TMEM196: variants seen among roughly 807,000 people sequenced by gnomAD.
TMEM196 encodes the protein transmembrane protein 196.
Under a neutral mutation model 20.0 loss-of-function variants are expected in TMEM196, and 17 were observed. The ratio of observed to expected loss-of-function variants is 0.85; its 90% CI spans 0.58 to 1.27. The LOEUF is 1.27. Among genes scored for constraint, TMEM196 ranks in the 50% most tolerant of loss-of-function variants. The pLI, the probability that TMEM196 is intolerant of heterozygous loss-of-function variation, is 0.00. For missense variants in TMEM196, 267 were observed against 223.0 expected, an observed-to-expected ratio of 1.20 and a Z score of -1.26; for synonymous variants, 113 against 88.9, an observed-to-expected ratio of 1.27 and a Z score of -1.52.
At chr7:19,752,533 T>C (rs1055199741) in intron 1 of TMEM196, among the ~76,000 whole-genome samples, 1 of 152,176 alleles carries the variant, frequency 6.6e-6, no homozygotes, top group Non-Finnish European at 1.5e-5. Flanking sequence ...TCTAAGTTCA[T>C]TCCTAGTATG....
chr7:19,726,519 A>T (rs1489074255), intron 2 of TMEM196, among the ~76,000 whole-genome samples: 1 of 152,150 alleles, frequency 6.6e-6, no homozygotes, highest in Non-Finnish European at 1.5e-5. Context: ...ATCATTGAAG[A>T]ATATACAATA....
chr7:19,771,747 T>C (rs968929709), intron 1 of TMEM196, among the ~76,000 whole-genome samples: 2 of 152,212 alleles, frequency 1.3e-5, no homozygotes, highest in Non-Finnish European at 2.9e-5. Context: ...TCTAAGGCTT[T>C]CTTGGAGATT....
At chr7:19,739,309 C>T (rs935537043) in intron 1 of TMEM196, among the ~76,000 whole-genome samples, 5 of 151,686 alleles carry the variant, frequency 3.3e-5, no homozygotes, top group African/African-American at 1.2e-4. Flanking sequence ...TCATATATGC[C>T]AGTGATAAAA....
intron 1 of TMEM196, among the ~76,000 whole-genome samples, chr7:19,731,462 A>T (rs1452406342): frequency 6.6e-6 from 1 of 152,194 alleles, no homozygotes; most frequent in Non-Finnish European, 1.5e-5. Context: ...GTTTGGACCA[A>T]TTCTGTACCT....
intron 1 of TMEM196, among the ~76,000 whole-genome samples, chr7:19,736,396 T>A (rs941186817): frequency 1.0e-5 from 1 of 98,838 alleles, no homozygotes. Context: ...TATATATATA[T>A]ATATAAATTA....
At chr7:19,739,200 G>C (rs1246501500) in intron 1 of TMEM196, among the ~76,000 whole-genome samples, 1 of 152,092 alleles carries the variant, frequency 6.6e-6, no homozygotes, top group Non-Finnish European at 1.5e-5. Flanking sequence ...ATTATTTGCA[G>C]ACAATATAAT....
At chr7:19,757,192 G>A (rs972427481) in intron 1 of TMEM196, among the ~76,000 whole-genome samples, 1 of 58,042 alleles carries the variant, frequency 1.7e-5, no homozygotes, top group East Asian at 7.1e-4. Context: ...TTTTTTTTTT[G>A]AGATGAAGTC....
At chr7:19,749,118 C>G (rs140197349) in intron 1 of TMEM196, among the ~76,000 whole-genome samples, 1 of 152,146 alleles carries the variant, frequency 6.6e-6, no homozygotes, top group South Asian at 2.1e-4. Flanking sequence ...TGATAGGATA[C>G]TAAGTATAAT....
At chr7:19,724,467 A>C in intron 3 of TMEM196, 114 bp from the exon 4 acceptor site, 1 of 879,842 alleles carries the variant, frequency 1.1e-6, no homozygotes, top group Non-Finnish European at 1.7e-6. Context: ...ATACATATAA[A>C]ATGGTCATCT....
At position 19,721,415 on chromosome 7, in the gene TMEM196, T is replaced by C. The variant is rs1239565282; in HGVS notation, c.*713A>G. ...AACATGCAGATCAATCTGCACAGTATGATCAAAACATGTTTATTTTCTTAA... is the reference window on the plus strand; with the variant it reads ...AACATGCAGATCAATCTGCACAGTACGATCAAAACATGTTTATTTTCTTAA... On this transcript the variant is annotated 3_prime_UTR_variant, in exon 5 of 5. Coordinates refer to ENST00000405844, the MANE Select transcript of TMEM196 (RefSeq NM_001363562.2). 6.6e-6 allele frequency: 1 copy of C among 152,166 alleles called. No homozygotes were observed. The highest frequency in any genetic ancestry group is 1.5e-5 in the Non-Finnish European group (1 of 68,010). The allele number at this position is 152,166 out of a possible 1,614,324, so 9.4% of individuals were successfully genotyped here. A position where few individuals can be genotyped will look rare whatever the true frequency, so the allele number is the denominator to read the frequency against.
chr7:19,767,440 C>T (rs1323880313), intron 1 of TMEM196, among the ~76,000 whole-genome samples: 2 of 152,132 alleles, frequency 1.3e-5, no homozygotes, highest in East Asian at 3.9e-4. Flanking sequence ...TTTACCTGGG[C>T]TCTACAGAAT....
intron 1 of TMEM196, among the ~76,000 whole-genome samples, chr7:19,755,759 G>A (rs952646492): frequency 1.3e-5 from 2 of 152,136 alleles, no homozygotes; most frequent in African/African-American, 2.4e-5. Context: ...GCCAGGCGTG[G>A]TGGCTTATGC....
intron 1 of TMEM196, among the ~76,000 whole-genome samples, chr7:19,751,666 C>A (rs145100980): frequency 6.6e-5 from 10 of 152,232 alleles, no homozygotes; most frequent in African/African-American, 2.4e-4. Context: ...ATAAATGGAG[C>A]TGTTAATAAT....
intron 1 of TMEM196, among the ~76,000 whole-genome samples, chr7:19,764,101 A>G (rs981586324): frequency 3.9e-5 from 6 of 152,232 alleles, no homozygotes; most frequent in African/African-American, 7.2e-5. Flanking sequence ...TTAAAAATCT[A>G]CCATCAACAG....
In TMEM196 at chr7:19,729,594, G is replaced by C. The variant is rs569685884; in HGVS notation, c.148-156C>G. Among the ~76,000 whole-genome samples, 25 of 152,276 alleles carry C rather than the reference G, an allele frequency of 1.6e-4. No individual in the cohort carries two copies. In the South Asian group the frequency reaches 2.1e-3, roughly 13 times the overall value. On this transcript the variant is annotated intron_variant, in intron 1 of 4. Coordinates refer to ENST00000405844, the MANE Select transcript of TMEM196 (RefSeq NM_001363562.2). ...GAGGATAAGATCTCATTCTAGAATA[G>C]TAAAGGATAAAAGTATAAACCCTAA...
chr7:19,725,399 A>C, intron 3 of TMEM196, 115 bp downstream of exon 3: 1 of 1,360,408 alleles, frequency 7.4e-7, no homozygotes. Flanking sequence ...AATAGAGCCA[A>C]ATGTATAAAA....
intron 1 of TMEM196, among the ~76,000 whole-genome samples, chr7:19,732,763 A>C (rs373361948): frequency 3.3e-5 from 5 of 152,210 alleles, no homozygotes; most frequent in African/African-American, 1.2e-4. Context: ...CAAAATAATA[A>C]GAACATCAGT....
At chr7:19,724,374 A>G in intron 3 of TMEM196, 21 bp from the exon 4 acceptor site, 3 of 1,545,892 alleles carry the variant, frequency 1.9e-6, no homozygotes, top group Non-Finnish European at 2.6e-6. Flanking sequence ...TATAACAATC[A>G]TACAATAAAT....
intron 1 of TMEM196, among the ~76,000 whole-genome samples, chr7:19,748,319 T>TGA (rs1232824936): frequency 1.0e-5 from 1 of 97,714 alleles, no homozygotes; most frequent in Admixed American, 1.1e-4. Flanking sequence ...TTAGAAAGAA[T>TGA]GAGAGCTTAT....
Sources: gnomAD v4.1 joint callset for allele counts (sites outside exome capture counted in the v4.1 genomes callset) on GRCh38, gnomAD v4.1.1 for gene constraint, MANE v1.5 for transcripts, NCBI Gene and HGNC (gene_info 2026-07-23, HGNC 2026-07-21) for gene names.